The following VCF1 variants were observed in gnomAD, a reference collection of about 807,000 sequenced individuals.
The protein encoded by VCF1 is VCP nuclear cofactor family member 1, also known as protein VCF1.
At chr17:73,232,302 C>A in the VCF1 span, 66 of 1,579,250 alleles carry the variant, frequency 4.2e-5, no homozygotes, top group Non-Finnish European at 5.2e-5. Context: ...TCCGCGCCCC[C>A]CCATGTCGCT....
At chr17:73,213,460 A>G in the VCF1 span, among the ~76,000 whole-genome samples, 1 of 152,202 alleles carries the variant, frequency 6.6e-6, no homozygotes, top group Non-Finnish European at 1.5e-5. Context: ...GTTCATACTA[A>G]GCAGTATATA....
chr17:73,207,765 T>C, the VCF1 span: 18 of 1,289,678 alleles, frequency 1.4e-5, no homozygotes, highest in Non-Finnish European at 1.7e-5. Flanking sequence ...GCTGTGTGCA[T>C]GTGTGTTTGA....
At chr17:73,230,643 C>T in the VCF1 span, among the ~76,000 whole-genome samples, 7 of 152,230 alleles carry the variant, frequency 4.6e-5, no homozygotes, top group South Asian at 2.1e-4. Flanking sequence ...GTGATCCGCC[C>T]GCCTTGACTT....
At chr17:73,225,900 T>TATATATATATATATATATATA in the VCF1 span, among the ~76,000 whole-genome samples, 2 of 77,898 alleles carry the variant, frequency 2.6e-5, no homozygotes, top group African/African-American at 1.3e-4. Flanking sequence ...TATATATATA[T>TATATATATATATATATATATA]TTTTTTTTTT....
the VCF1 span, among the ~76,000 whole-genome samples, chr17:73,224,336 T>C: frequency 1.3e-5 from 2 of 151,008 alleles, no homozygotes; most frequent in South Asian, 2.1e-4. Flanking sequence ...TTCCAGCTAC[T>C]TGGGAGGCTG....
At chr17:73,209,259 G>A in the VCF1 span, 1 of 537,422 alleles carries the variant, frequency 1.9e-6, no homozygotes, top group Non-Finnish European at 3.3e-6. Context: ...CACACAGAAT[G>A]AGTTTTCCTC....
At chr17:73,215,841 C>G in the VCF1 span, among the ~76,000 whole-genome samples, 1 of 152,168 alleles carries the variant, frequency 6.6e-6, no homozygotes, top group African/African-American at 2.4e-5. Flanking sequence ...TGACTGAGTA[C>G]TAGGAGAGGA....
At chr17:73,230,430 C>T in the VCF1 span, among the ~76,000 whole-genome samples, 1 of 151,540 alleles carries the variant, frequency 6.6e-6, no homozygotes, top group Admixed American at 6.6e-5. Context: ...ATGGAAGTTT[C>T]GCTCTTGTTG....
chr17:73,211,838 G>A, the VCF1 span, among the ~76,000 whole-genome samples: 1 of 152,248 alleles, frequency 6.6e-6, no homozygotes, highest in East Asian at 1.9e-4. Flanking sequence ...CCAGCCTAGT[G>A]ACAGAGTAAG....
At chr17:73,208,272 T>C in the VCF1 span, 2 of 1,611,778 alleles carry the variant, frequency 1.2e-6, no homozygotes, top group Non-Finnish European at 1.7e-6. Flanking sequence ...GCAGGAGGGC[T>C]CAGGCCAACT....
At chr17:73,209,294 G>A in the VCF1 span, 1 of 590,690 alleles carries the variant, frequency 1.7e-6, no homozygotes, top group South Asian at 2.1e-5. Flanking sequence ...ACATAGATTT[G>A]ATACCCTCCC....
chr17:73,219,484 C>T, the VCF1 span, among the ~76,000 whole-genome samples: 3 of 150,614 alleles, frequency 2.0e-5, no homozygotes, highest in African/African-American at 7.3e-5. Flanking sequence ...CCCGTCTCTA[C>T]TAAAAATACA....
chr17:73,231,327 A>T, the VCF1 span, among the ~76,000 whole-genome samples: 1 of 152,332 alleles, frequency 6.6e-6, no homozygotes, highest in East Asian at 1.9e-4. Flanking sequence ...GAGGAAATTA[A>T]GAGAGAGAAA....
At chr17:73,217,953 C>T in the VCF1 span, among the ~76,000 whole-genome samples, 2 of 152,272 alleles carry the variant, frequency 1.3e-5, no homozygotes, top group African/African-American at 4.8e-5. Context: ...GCCTGGGCGA[C>T]AGAGCGAGAC....
chr17:73,227,217 TG>T, the VCF1 span: 32 of 1,586,966 alleles, frequency 2.0e-5, no homozygotes, highest in Admixed American at 1.2e-4. Context: ...TCTTTTGGTC[TG>T]GGGGGGAAGA....
the VCF1 span, chr17:73,208,001 C>T: frequency 6.2e-5 from 80 of 1,291,246 alleles, no homozygotes; most frequent in Non-Finnish European, 7.0e-5. Flanking sequence ...CAGCCTCTTC[C>T]AGAACAGTTT....
the VCF1 span, among the ~76,000 whole-genome samples, chr17:73,221,430 T>A: frequency 2.7e-5 from 4 of 149,850 alleles, no homozygotes; most frequent in African/African-American, 1.0e-4. Flanking sequence ...AAAAAAAAAA[T>A]TTAAGTTAAA....
the VCF1 span, chr17:73,208,379 T>G: frequency 6.2e-7 from 1 of 1,614,012 alleles, no homozygotes; most frequent in Non-Finnish European, 8.5e-7. Context: ...TCAGACAGCT[T>G]GTCAGTGAAG....
the VCF1 span, among the ~76,000 whole-genome samples, chr17:73,225,010 CATAGGATAGG>C: frequency 6.6e-3 from 288 of 43,340 alleles, 1 homozygote; most frequent in Middle Eastern, 0.032. Context: ...GACAGGACAG[CATAGGATAGG>C]ACAGGACAGG....
Sources: gnomAD v4.1 joint callset for allele counts (sites outside exome capture counted in the v4.1 genomes callset) on GRCh38, gnomAD v4.1.1 for gene constraint, MANE v1.5 for transcripts, NCBI Gene and HGNC (gene_info 2026-07-23, HGNC 2026-07-21) for gene names.